Variants in ASTN2 observed in about 807,000 individuals in gnomAD.
ASTN2 encodes the protein astrotactin 2, also known as astrotactin-2.
ASTN2 carries 54 observed loss-of-function variants against 139.8 expected under a neutral mutation model. That is an observed-to-expected ratio of 0.39 (90% CI 0.31 to 0.48). The LOEUF (loss-of-function observed/expected upper bound fraction) is 0.48. Ranked by LOEUF, ASTN2 falls within the 20% of genes least tolerant of loss-of-function variation. ASTN2 has a pLI of 0.95. For missense variants in ASTN2, 1,565 were observed against 1,725.1 expected, an observed-to-expected ratio of 0.91 and a Z score of 1.64; for synonymous variants, 756 against 719.5, an observed-to-expected ratio of 1.05 and a Z score of -0.81.
chr9:116,563,559 C>T (rs181847315), intron 19 of ASTN2, among the ~76,000 whole-genome samples: 93 of 152,200 alleles, frequency 6.1e-4, no homozygotes, highest in African/African-American at 2.1e-3. Flanking sequence ...CTGAGATGCT[C>T]TTTGTTCAGG....
At chr9:117,271,794 C>T (rs984445842) in intron 2 of ASTN2, among the ~76,000 whole-genome samples, 8 of 152,332 alleles carry the variant, frequency 5.3e-5, no homozygotes, top group South Asian at 2.1e-4. Flanking sequence ...ATCCAGGTCA[C>T]GCTGATGCAA....
At chr9:116,836,682 AAGAG>A (rs565451407) in intron 11 of ASTN2, among the ~76,000 whole-genome samples, 130 of 152,208 alleles carry the variant, frequency 8.5e-4, no homozygotes, top group African/African-American at 3.1e-3. Flanking sequence ...ACATGAGGCA[AAGAG>A]AGAATCCAGG....
At chr9:116,509,500 T>C (rs1172346299) in intron 19 of ASTN2, among the ~76,000 whole-genome samples, 1 of 152,342 alleles carries the variant, frequency 6.6e-6, no homozygotes, top group Non-Finnish European at 1.5e-5. Flanking sequence ...GCAGCATGAC[T>C]TATAATCCTT....
chr9:116,832,585 G>C (rs1253573055), intron 11 of ASTN2, among the ~76,000 whole-genome samples: 1 of 151,318 alleles, frequency 6.6e-6, no homozygotes, highest in Non-Finnish European at 1.5e-5. Context: ...ATGGAATTTT[G>C]TCAAATGTTT....
chr9:116,984,367 G>A (rs1040097161), intron 7 of ASTN2, among the ~76,000 whole-genome samples: 3 of 152,222 alleles, frequency 2.0e-5, no homozygotes, highest in Non-Finnish European at 4.4e-5. Flanking sequence ...CAGGGTAGAA[G>A]TCACATATCC....
At position 116,529,084 on chromosome 9, in the gene ASTN2, A is replaced by G. The variant is rs1251932377; in HGVS notation, c.3356-41584T>C. 2.6e-5 allele frequency among the ~76,000 whole-genome samples: 4 copies of G among 152,168 alleles called. No individual in the cohort carries two copies. In the South Asian group the frequency reaches 8.3e-4, roughly 32 times the overall value. On this transcript the variant is annotated intron_variant, in intron 19 of 22. Coordinates refer to ENST00000313400, the MANE Select transcript of ASTN2 (RefSeq NM_001365068.1). ...CTAGTTGAGCTGTGAGAAGAGAGCC[A>G]CCATCCTCCAGACCCCAGAATAGTA...
chr9:116,857,883 T>G (rs1018743993), intron 11 of ASTN2, among the ~76,000 whole-genome samples: 4 of 152,200 alleles, frequency 2.6e-5, no homozygotes, highest in Admixed American at 2.0e-4. Flanking sequence ...AGAAATGATG[T>G]TCTGAGACTT....
intron 2 of ASTN2, among the ~76,000 whole-genome samples, chr9:117,282,170 TCA>T (rs1834340864): frequency 6.6e-6 from 1 of 152,218 alleles, no homozygotes; most frequent in African/African-American, 2.4e-5. Flanking sequence ...CCCCATTCTC[TCA>T]GTTTCTTCTT....
intron 22 of ASTN2, among the ~76,000 whole-genome samples, chr9:116,432,007 T>A (rs199573516): frequency 1.3e-5 from 2 of 149,580 alleles, no homozygotes; most frequent in South Asian, 4.3e-4. Flanking sequence ...AAATCAAGTA[T>A]GTTTTAGAAA....
intron 19 of ASTN2, among the ~76,000 whole-genome samples, chr9:116,593,637 C>T (rs1854459456): frequency 6.6e-6 from 1 of 152,144 alleles, no homozygotes; most frequent in Admixed American, 6.5e-5. Flanking sequence ...CACAACTTAG[C>T]CCCATAAACA....
chr9:116,752,760 G>A (rs1191975974), intron 13 of ASTN2, among the ~76,000 whole-genome samples: 1 of 152,198 alleles, frequency 6.6e-6, no homozygotes, highest in African/African-American at 2.4e-5. Flanking sequence ...ATGAGCATAT[G>A]AATGTACACA....
intron 13 of ASTN2, among the ~76,000 whole-genome samples, chr9:116,767,324 T>C (rs887758379): frequency 2.0e-5 from 3 of 152,054 alleles, no homozygotes; most frequent in Non-Finnish European, 2.9e-5. Flanking sequence ...CTTATCTCCC[T>C]ATGAGAGGAG....
At chr9:117,140,023 CA>C (rs1443400437) in intron 4 of ASTN2, among the ~76,000 whole-genome samples, 2 of 152,198 alleles carry the variant, frequency 1.3e-5, no homozygotes, top group Admixed American at 6.5e-5. Context: ...AGACAGATTA[CA>C]ATAGCTGTTT....
At chr9:117,238,264 A>G (rs542579846) in intron 2 of ASTN2, among the ~76,000 whole-genome samples, 7 of 152,242 alleles carry the variant, frequency 4.6e-5, no homozygotes, top group African/African-American at 1.4e-4. Context: ...ATGGGTGTCT[A>G]CAGCCACAGG....
At chr9:117,345,601 G>T (rs1390784364) in intron 1 of ASTN2, among the ~76,000 whole-genome samples, 1 of 152,132 alleles carries the variant, frequency 6.6e-6, no homozygotes, top group Non-Finnish European at 1.5e-5. Context: ...CTGAATTCAA[G>T]CAAATTGAAA....
intron 10 of ASTN2, among the ~76,000 whole-genome samples, chr9:116,906,414 G>A (rs1299122288): frequency 6.6e-6 from 1 of 150,906 alleles, no homozygotes; most frequent in Non-Finnish European, 1.5e-5. Flanking sequence ...TGTGCTTTTC[G>A]GGAGAAGCAG....
chr9:117,406,315 A>T (rs1408272326), intron 1 of ASTN2, among the ~76,000 whole-genome samples: 1 of 152,246 alleles, frequency 6.6e-6, no homozygotes, highest in Non-Finnish European at 1.5e-5. Context: ...GGTCCTGTAC[A>T]GAGCAGCGTA....
rs763188993 is a variant in ASTN2 at position 116,587,345 on chromosome 9, TTA to T, written c.3355+30977_3355+30978del. Among the ~76,000 whole-genome samples the T allele has an allele frequency of 6.5e-3, 545 of 83,284 alleles. 11 individuals are homozygous for T. The highest frequency in any genetic ancestry group is 0.023 in the South Asian group (60 of 2,658). The allele number at this position is 83,284 out of a possible 152,430, so 54.6% of individuals were successfully genotyped here. A position where few individuals can be genotyped will look rare whatever the true frequency, so the allele number is the denominator to read the frequency against. On this transcript the variant is annotated intron_variant, in intron 19 of 22. Transcript: ENST00000313400. ...GACAGAGCAAGACCCCATCTCAAAT[TTA>T]AAAAAAAAAAAAAAAAAAAGCACAC... is the stretch of plus-strand genomic sequence containing the variant.
chr9:116,757,483 G>T (rs994939058), intron 13 of ASTN2, among the ~76,000 whole-genome samples: 5 of 152,104 alleles, frequency 3.3e-5, no homozygotes, highest in Non-Finnish European at 7.4e-5. Context: ...AGGATAGAGA[G>T]AGTTGCTTGA....
Sources: allele counts gnomAD v4.1 joint callset (sites outside exome capture counted in the v4.1 genomes callset), GRCh38; gene constraint gnomAD v4.1.1; transcripts MANE v1.5; gene names NCBI Gene and HGNC (gene_info 2026-07-23, HGNC 2026-07-21).